The following TMEM126B variants were observed in gnomAD, a reference collection of about 807,000 sequenced individuals.
TMEM126B encodes the protein complex I assembly factor TMEM126B, mitochondrial.
Under a neutral mutation model 16.5 loss-of-function variants are expected in TMEM126B, and 19 were observed. The ratio of observed to expected loss-of-function variants is 1.15; its 90% CI spans 0.80 to 1.69. The LOEUF (loss-of-function observed/expected upper bound fraction) is 1.69, where lower values mean the gene tolerates loss of function less well. Ranked by LOEUF, TMEM126B falls within the 40% of genes most tolerant of loss-of-function variation. The pLI is 0.00. For synonymous variants in TMEM126B, 104 were observed against 93.2 expected (o/e 1.12, Z -0.67); for missense variants, 293 against 278.7 (o/e 1.05, Z -0.37).
At chr11:85,635,950 T>C in intron 4 of TMEM126B, 96 bp from the exon 5 acceptor site, 1 of 1,355,054 alleles carries the variant, frequency 7.4e-7, no homozygotes, top group Middle Eastern at 2.2e-4. Context: ...CTCTACATTA[T>C]AGATCTAGAA....
At position 85,635,765 on chromosome 11, in the gene TMEM126B, C is replaced by A. The variant is rs370149497; in HGVS notation, c.496C>A (p.Arg166Ser). The A allele has an allele frequency of 6.3e-7, 1 of 1,583,446 alleles. No homozygotes were observed. The highest frequency in any genetic ancestry group is 1.2e-5 in the South Asian group (1 of 84,182). The change falls in exon 4 of 5, where the codon CGC (arginine) becomes AGC (serine). Residue 166 changes from arginine (R) to serine (S), a missense_variant. Physicochemically the swap from Arg to Ser is moderately radical, Grantham distance 110. Coordinates refer to ENST00000358867, the MANE Select transcript of TMEM126B (RefSeq NM_018480.7). The part of the protein sequence containing the change: ...PSSLAFTKNG[R>S]LATKYHTVPL... ...TTCTTTGGCTTTTACTAAAAATGGACGCCTGGCAACCAAGTAAGTTCTTCC... is the reference window on the plus strand; with the variant it reads ...TTCTTTGGCTTTTACTAAAAATGGAAGCCTGGCAACCAAGTAAGTTCTTCC...
rs762998544 is a variant in TMEM126B, at chr11:85,629,210, C to CATGT, written c.81+524_81+525insGTAT. The CATGT allele has an allele frequency of 4.7e-6, 6 of 1,289,008 alleles. No homozygotes were observed. The South Asian group carries it at 6.2e-5, about 13-fold the overall frequency. The allele number at this position is 1,289,008 out of a possible 1,614,324, so 79.8% of individuals were successfully genotyped here. On this transcript the variant is annotated intron_variant, in intron 1 of 4. Coordinates refer to ENST00000358867, the MANE Select transcript of TMEM126B (RefSeq NM_018480.7). ...GTATCTTGATTACCCGGAGGTCTGG[C>CATGT]ATATACCACGTGCTCCCTAAATTAT... is the stretch of plus-strand genomic sequence containing the variant.
chr11:85,634,190 C>T lies in TMEM126B; in HGVS notation c.308C>T (p.Ala103Val). ...CGCTGCTTCAAGGTTAAACATGATG[C>T]TTTGAAGACATATGCATCATTGGCT... ...FRRCFKVKHD[A>V]LKTYASLATL... The change falls in exon 3 of 5, where the codon GCT becomes GTT. Residue 103 changes from alanine to valine, a missense_variant. By Grantham distance (64) the Ala-to-Val change is moderately conservative. Coordinates refer to ENST00000358867, the MANE Select transcript of TMEM126B (RefSeq NM_018480.7). 6.2e-7 allele frequency: 1 copy of T among 1,613,762 alleles called. No homozygotes were observed. Among genetic ancestry groups the T allele is most frequent in the Non-Finnish European group, 8.5e-7 (1 of 1,179,808 alleles).
At chr11:85,633,058 T>A (rs1287462213) in intron 2 of TMEM126B, among the ~76,000 whole-genome samples, 1 of 152,150 alleles carries the variant, frequency 6.6e-6, no homozygotes, top group Non-Finnish European at 1.5e-5. Flanking sequence ...CGGTGTTTGG[T>A]TTTTTGTTCT....
In TMEM126B at chr11:85,636,031, CT is replaced by C; in HGVS notation, c.510-9del. 1 of 1,550,226 alleles carries C rather than the reference CT, an allele frequency of 6.5e-7. No individual in the cohort carries two copies. Among genetic ancestry groups the C allele is most frequent in the Admixed American group, 2.2e-5 (1 of 46,046 alleles). Reference sequence around the variant, plus strand: ...TCATATCCAGGAGAGGTGATTAACTCTTTTTTCTTTTTAGGTATCATACCGT... The same window carrying C: ...TCATATCCAGGAGAGGTGATTAACTCTTTTTCTTTTTAGGTATCATACCGT... On this transcript the variant is annotated splice_polypyrimidine_tract_variant and intron_variant, in intron 4 of 4. Coordinates refer to ENST00000358867, the MANE Select transcript of TMEM126B (RefSeq NM_018480.7).
chr11:85,629,156 C>A, intron 1 of TMEM126B: 4 of 1,145,452 alleles, frequency 3.5e-6, no homozygotes, highest in Non-Finnish European at 4.7e-6. Flanking sequence ...ACTCCCACTG[C>A]GTTGTGGATT....
At chr11:85,630,909 C>G (rs746182479) in intron 1 of TMEM126B, among the ~76,000 whole-genome samples, 1 of 152,170 alleles carries the variant, frequency 6.6e-6, no homozygotes, top group South Asian at 2.1e-4. Flanking sequence ...ACTAAAAATA[C>G]AAAAATTAGC....
chr11:85,629,142 C>G, intron 1 of TMEM126B: 2 of 1,047,640 alleles, frequency 1.9e-6, no homozygotes, highest in South Asian at 2.6e-5. Context: ...CTTTTTTGTT[C>G]TGAACTCCCA....
At chr11:85,630,156 G>C (rs1172029184) in intron 1 of TMEM126B, among the ~76,000 whole-genome samples, 1 of 152,204 alleles carries the variant, frequency 6.6e-6, no homozygotes, top group Non-Finnish European at 1.5e-5. Flanking sequence ...CTATTAAAAT[G>C]CAGATTCTAG....
At chr11:85,628,799 C>T in intron 1 of TMEM126B, 111 bp downstream of exon 1, 1 of 1,104,950 alleles carries the variant, frequency 9.1e-7, no homozygotes, top group Middle Eastern at 2.0e-4. Context: ...AAAACAGCTC[C>T]CAAGTCCATG....
At chr11:85,629,247 G>T (rs1443046233) in intron 1 of TMEM126B, 1 of 1,289,150 alleles carries the variant, frequency 7.8e-7, no homozygotes, top group Non-Finnish European at 1.0e-6. Flanking sequence ...AGCGAATGTT[G>T]AATAAAATTC....
In TMEM126B at chr11:85,633,965, T is replaced by G. The variant is rs1401614171; in HGVS notation, c.204-121T>G. 4.4e-6 allele frequency: 3 copies of G among 679,070 alleles called. No homozygotes were observed. In the African/African-American group the frequency reaches 5.5e-5, roughly 12 times the overall value. The allele number at this position is 679,070 out of a possible 1,614,324, so 42.1% of individuals were successfully genotyped here. On this transcript the variant is annotated intron_variant, in intron 2 of 4. Transcript: ENST00000358867. ...ATCTTAAGCACTTAGAAAATACTTTTCACATATAGTAAGTGCTCAAGAAAT... is the reference window on the plus strand; with the variant it reads ...ATCTTAAGCACTTAGAAAATACTTTGCACATATAGTAAGTGCTCAAGAAAT...
chr11:85,631,634 T>C, intron 1 of TMEM126B, 53 bp from the exon 2 acceptor site: 1 of 1,563,978 alleles, frequency 6.4e-7, no homozygotes, highest in South Asian at 1.2e-5. Flanking sequence ...CTGTAAGGTT[T>C]TATGTAATAT....
rs1163656442 is a variant in TMEM126B at position 85,634,261 on chromosome 11, AT to A, written c.381del (p.Ile127MetfsTer9). On this transcript the variant is annotated frameshift_variant, in exon 3 of 5. Transcript: ENST00000358867. LOFTEE classifies it high-confidence loss of function. ...TGTTGTTACTGACAAGCTTTTTGTAATTGATGCTTTGTATTCAGGTGAATTT... is the reference window on the plus strand; with the variant it reads ...TGTTGTTACTGACAAGCTTTTTGTAATGATGCTTTGTATTCAGGTGAATTT... The part of the protein sequence containing the change: ...STVVTDKLFV[I>X]DALYSDNISK... 2.5e-6 allele frequency: 4 copies of A among 1,613,056 alleles called. No individual in the cohort carries two copies. The African/African-American group carries it at 4.0e-5, about 16-fold the overall frequency.
chr11:85,633,268 T>C (rs1444308725), intron 2 of TMEM126B, among the ~76,000 whole-genome samples: 1 of 150,750 alleles, frequency 6.6e-6, no homozygotes, highest in Non-Finnish European at 1.5e-5. Context: ...AACATACGTG[T>C]GCATGTGTCT....
At chr11:85,633,080 A>G (rs1432458927) in intron 2 of TMEM126B, among the ~76,000 whole-genome samples, 1 of 152,092 alleles carries the variant, frequency 6.6e-6, no homozygotes, top group Non-Finnish European at 1.5e-5. Flanking sequence ...GCAATAGTTT[A>G]CTGAGAATGA....
intron 4 of TMEM126B, 41 bp downstream of exon 4, chr11:85,635,819 T>TTA: frequency 1.1e-5 from 14 of 1,300,388 alleles, no homozygotes; most frequent in South Asian, 2.9e-5. Context: ...TTCTTTTCTT[T>TTA]TCTTTTTTTT....
At chr11:85,629,387 G>A in intron 1 of TMEM126B, 2 of 538,126 alleles carry the variant, frequency 3.7e-6, no homozygotes, top group Admixed American at 2.7e-5. Context: ...TGGTATAAGC[G>A]TGGTGACTAG....
chr11:85,628,612 T>G lies in TMEM126B; in HGVS notation c.5T>G (p.Val2Gly), dbSNP rs751189016. M[V>G]VFGYEAGTKP... ...CAAGTCACATGAGCCACCAAAATGGTGGTGTTCGGGTATGAGGCTGGGACT... is the reference window on the plus strand; with the variant it reads ...CAAGTCACATGAGCCACCAAAATGGGGGTGTTCGGGTATGAGGCTGGGACT... Residue 2 changes from valine (V) to glycine (G), a missense_variant, in exon 1 of 5, where the codon GTG (valine) becomes GGG (glycine). Coordinates refer to ENST00000358867, the MANE Select transcript of TMEM126B (RefSeq NM_018480.7). 26 of 1,535,698 alleles carry G rather than the reference T, an allele frequency of 1.7e-5. 1 individual carries two copies. The South Asian group carries it at 2.9e-4, about 17-fold the overall frequency.
Sources: gnomAD v4.1 joint callset for allele counts (sites outside exome capture counted in the v4.1 genomes callset) on GRCh38, gnomAD v4.1.1 for gene constraint, MANE v1.5 for transcripts, NCBI Gene and HGNC (gene_info 2026-07-23, HGNC 2026-07-21) for gene names.